Variants in NRXN1 observed in about 807,000 individuals in gnomAD.
NRXN1 encodes neurexin-1.
Under a neutral mutation model 150.9 loss-of-function variants are expected in NRXN1, and 39 were observed. That is an observed-to-expected ratio of 0.26 (90% CI 0.20 to 0.34). The LOEUF is 0.34. NRXN1 is among the 10% of genes least tolerant of loss of function. The pLI is 1.00. For synonymous variants in NRXN1, 924 were observed against 757.0 expected, an observed-to-expected ratio of 1.22 and a Z score of -3.62; for missense variants, 1,815 against 1,949.9, an observed-to-expected ratio of 0.93 and a Z score of 1.30.
At chr2:50,842,161 C>T (rs1364264870) in intron 5 of NRXN1, among the ~76,000 whole-genome samples, 2 of 152,150 alleles carry the variant, frequency 1.3e-5, no homozygotes, top group Non-Finnish European at 2.9e-5. Context: ...AAATGCTTAC[C>T]AATTATTAAC....
At chr2:50,468,069 G>A (rs1019223701) in intron 16 of NRXN1, among the ~76,000 whole-genome samples, 1 of 151,590 alleles carries the variant, frequency 6.6e-6, no homozygotes, top group Non-Finnish European at 1.5e-5. Flanking sequence ...TAAACAGGGA[G>A]TAATACAAGC....
intron 18 of NRXN1, among the ~76,000 whole-genome samples, chr2:50,232,250 T>G (rs1456726167): frequency 6.6e-6 from 1 of 152,106 alleles, no homozygotes; most frequent in Non-Finnish European, 1.5e-5. Context: ...AGCTCATTTA[T>G]TTTTGTATCC....
intron 2 of NRXN1, among the ~76,000 whole-genome samples, chr2:50,934,167 C>T (rs1472083868): frequency 6.6e-6 from 1 of 152,012 alleles, no homozygotes. Context: ...CATATACACA[C>T]CCAATTGGTA....
In NRXN1 at chr2:50,885,942, G is replaced by C. The variant is rs1680176329; in HGVS notation, c.832+35927C>G. Among the ~76,000 whole-genome samples the C allele has an allele frequency of 2.0e-5, 3 of 151,012 alleles. No individual in the cohort carries two copies. In the Admixed American group the frequency reaches 2.0e-4, roughly 10 times the overall value. On this transcript the variant is annotated intron_variant, in intron 5 of 22. Coordinates refer to ENST00000401669, the MANE Select transcript of NRXN1 (RefSeq NM_001330078.2). ...TCCTCAAATAACTCTCTGTGGGGGA[G>C]AATAAAATACAAAATAAAATATCTA...
At chr2:51,026,535 C>T in intron 2 of NRXN1, 1 of 1,037,316 alleles carries the variant, frequency 9.6e-7, no homozygotes. Context: ...TTTTAAGCCC[C>T]AAGAACCACA....
rs1296611968 is a variant in NRXN1 at position 50,053,537 on chromosome 2, C to T, written c.3862G>A (p.Glu1288Lys). 1 of 1,614,058 alleles carries T rather than the reference C, an allele frequency of 6.2e-7. No homozygotes were observed. Among genetic ancestry groups the T allele is most frequent in the Non-Finnish European group, 8.5e-7 (1 of 1,179,942 alleles). ...SQATIIIGGK[E>K]QGQPFQGQLS... ...TGGCCCTGGAAGGGCTGGCCCTGCT[C>T]TTTCCCGCCAATTATTATGGTTGCT... The change falls in exon 21 of 23, where the codon GAG becomes AAG. Residue 1288 changes from glutamate to lysine, a missense_variant. This residue lies in a region of NRXN1 where 265 missense variants were observed against 307.1 expected (regional missense o/e 0.86). Transcript: ENST00000401669.
At chr2:50,198,416 C>T (rs556752977) in intron 18 of NRXN1, among the ~76,000 whole-genome samples, 15 of 152,186 alleles carry the variant, frequency 9.9e-5, no homozygotes, top group African/African-American at 2.9e-4. Flanking sequence ...CTAGCACCAT[C>T]CCTATTACAT....
intron 18 of NRXN1, among the ~76,000 whole-genome samples, chr2:50,196,343 T>TA (rs1289955922): frequency 2.0e-5 from 3 of 152,168 alleles, no homozygotes; most frequent in Non-Finnish European, 4.4e-5. Context: ...AAAACACTGT[T>TA]ACTTATTAGA....
At position 50,912,661 on chromosome 2, in the gene NRXN1, A is replaced by T. The variant is rs555619496; in HGVS notation, c.832+9208T>A. 8.6e-5 allele frequency among the ~76,000 whole-genome samples: 13 copies of T among 151,634 alleles called. No individual in the cohort carries two copies. The South Asian group carries it at 2.5e-3, about 29-fold the overall frequency. ...CAAGGTTTGCACTGATGTTTGAGCAACTGTTCAGATGTTCTGACAGGGAAG... is the reference window on the plus strand; with the variant it reads ...CAAGGTTTGCACTGATGTTTGAGCATCTGTTCAGATGTTCTGACAGGGAAG... On this transcript the variant is annotated intron_variant, in intron 5 of 22. Coordinates refer to ENST00000401669, the MANE Select transcript of NRXN1 (RefSeq NM_001330078.2).
intron 18 of NRXN1, among the ~76,000 whole-genome samples, chr2:50,173,123 C>A (rs563839801): frequency 6.6e-6 from 1 of 152,140 alleles, no homozygotes; most frequent in South Asian, 2.1e-4. Context: ...GGTAAGTAAT[C>A]GGAACTGTCA....
chr2:50,203,844 T>G (rs2062367154), intron 18 of NRXN1, among the ~76,000 whole-genome samples: 1 of 152,176 alleles, frequency 6.6e-6, no homozygotes. Flanking sequence ...AACAGCTTTA[T>G]CGTATTAAAT....
intron 5 of NRXN1, among the ~76,000 whole-genome samples, chr2:50,785,644 T>TA (rs1422314289): frequency 2.6e-5 from 4 of 152,036 alleles, no homozygotes; most frequent in African/African-American, 9.7e-5. Context: ...AAGTAAACCC[T>TA]AAAAAACACA....
At chr2:50,332,734 T>C (rs1448284152) in intron 17 of NRXN1, among the ~76,000 whole-genome samples, 1 of 152,222 alleles carries the variant, frequency 6.6e-6, no homozygotes, top group Non-Finnish European at 1.5e-5. Context: ...ATTTTAATTA[T>C]ATGTAGCTTC....
rs1700891766 is a variant in NRXN1, at chr2:50,753,954, G to GT, written c.833-130340_833-130339insA. On this transcript the variant is annotated intron_variant, in intron 5 of 22. Coordinates refer to ENST00000401669, the MANE Select transcript of NRXN1 (RefSeq NM_001330078.2). ...TACATTTCAATAAATTCATCATGAC[G>GT]ATTTTTTTTTGGGGGGGGGCGGAAT... Among the ~76,000 whole-genome samples the GT allele has an allele frequency of 5.3e-5, 5 of 93,718 alleles. No individual in the cohort carries two copies. In the South Asian group the frequency reaches 1.6e-3, roughly 31 times the overall value. The allele number at this position is 93,718 out of a possible 152,430, so 61.5% of individuals were successfully genotyped here.
rs1019483280 is a variant in NRXN1 at position 50,538,763 on chromosome 2, C to T, written c.1760-127G>A. The T allele has an allele frequency of 1.3e-5, 10 of 752,874 alleles. No homozygotes were observed. In the African/African-American group the frequency reaches 1.6e-4, roughly 12 times the overall value. 46.6% of individuals were successfully genotyped at this position (752,874 alleles called of 1,614,324 possible). ...AGACAATTATTATTATTCTTTCTGTCCTCACTTTTTGGTATTTCCTAGAGA... is the reference window on the plus strand; with the variant it reads ...AGACAATTATTATTATTCTTTCTGTTCTCACTTTTTGGTATTTCCTAGAGA... On this transcript the variant is annotated intron_variant, in intron 9 of 22. Transcript: ENST00000401669.
chr2:50,319,659 C>CT (rs1424019594), intron 17 of NRXN1, among the ~76,000 whole-genome samples: 4 of 151,968 alleles, frequency 2.6e-5, no homozygotes, highest in African/African-American at 9.7e-5. Flanking sequence ...GTGGAGAAAA[C>CT]TATCAGGACT....
chr2:50,561,482 C>T lies in NRXN1; in HGVS notation c.1321-8457G>A, dbSNP rs149574899. Among the ~76,000 whole-genome samples the T allele has an allele frequency of 3.6e-3, 552 of 152,122 alleles. 5 individuals carry two copies. The highest frequency in any genetic ancestry group is 0.017 in the South Asian group (84 of 4,824). On this transcript the variant is annotated intron_variant, in intron 8 of 22. Coordinates refer to ENST00000401669, the MANE Select transcript of NRXN1 (RefSeq NM_001330078.2). ...AACTGAGGCTTAAAAGGCTAGAAGG[C>T]TATCCAAGTTGGCATCAATCTCTGA...
chr2:50,858,104 TC>T (rs1675536111), intron 5 of NRXN1, among the ~76,000 whole-genome samples: 1 of 151,628 alleles, frequency 6.6e-6, no homozygotes, highest in Admixed American at 6.6e-5. Flanking sequence ...TTTTTTTTTT[TC>T]CGAATGGATA....
intron 5 of NRXN1, among the ~76,000 whole-genome samples, chr2:50,849,446 C>T (rs1674185998): frequency 6.6e-6 from 1 of 152,184 alleles, no homozygotes; most frequent in East Asian, 1.9e-4. Context: ...TACTATCTCC[C>T]AGTCTTAGGG....
Sources: gnomAD v4.1 joint callset for allele counts (sites outside exome capture counted in the v4.1 genomes callset) on GRCh38, gnomAD v4.1.1 for gene constraint, gnomAD v4.1.1 regional missense constraint, MANE v1.5 for transcripts, NCBI Gene and HGNC (gene_info 2026-07-23, HGNC 2026-07-21) for gene names.